The following DCX variants were observed in gnomAD, a reference collection of about 807,000 sequenced individuals.
DCX encodes neuronal migration protein doublecortin.
A neutral mutation model predicts 20.9 loss-of-function variants in DCX; 4 were observed. The ratio of observed to expected loss-of-function variants is 0.19; its 90% confidence interval spans 0.09 to 0.44. The LOEUF (loss-of-function observed/expected upper bound fraction) is 0.44. Ranked by LOEUF, DCX falls within the 20% of genes least tolerant of loss-of-function variation. DCX has a pLI of 0.99. For synonymous variants in DCX, 103 were observed against 111.4 expected, an observed-to-expected ratio of 0.92 and a Z score of 0.47; for missense variants, 133 against 296.9, an observed-to-expected ratio of 0.45 and a Z score of 4.06.
At chrX:111,314,438 T>C (rs1041896065) in intron 5 of DCX, among the ~76,000 whole-genome samples, 3 of 111,862 alleles carry the variant, frequency 2.7e-5, no homozygotes, top group Non-Finnish European at 5.6e-5. Flanking sequence ...ATCTGGGGCC[T>C]GGAAGACAAA....
intron 4 of DCX, among the ~76,000 whole-genome samples, 185 bp from the exon 5 acceptor site, chrX:111,331,226 G>C (rs1921209964): frequency 9.0e-6 from 1 of 111,714 alleles, no homozygotes; most frequent in South Asian, 3.8e-4. Flanking sequence ...ACCTTCAAAA[G>C]CCACCTGGGC....
intron 2 of DCX, among the ~76,000 whole-genome samples, chrX:111,405,015 G>A (rs1368427406): frequency 8.9e-6 from 1 of 112,211 alleles, no homozygotes; most frequent in Non-Finnish European, 1.9e-5. Flanking sequence ...GCCAAGCAGG[G>A]TGCAAATTCG....
At chrX:111,331,745 C>A (rs1921263963) in intron 4 of DCX, among the ~76,000 whole-genome samples, 1 of 112,241 alleles carries the variant, frequency 8.9e-6, no homozygotes, top group Admixed American at 9.5e-5. Context: ...CTTTGGAACA[C>A]CCTTTCTATG....
intron 3 of DCX, among the ~76,000 whole-genome samples, chrX:111,351,092 G>A (rs1028157469): frequency 8.9e-6 from 1 of 112,119 alleles, no homozygotes; most frequent in Non-Finnish European, 1.9e-5. Flanking sequence ...AATTCAAGAT[G>A]GGATTTGGGT....
At chrX:111,323,121 T>C (rs745491941) in intron 5 of DCX, among the ~76,000 whole-genome samples, 2 of 111,865 alleles carry the variant, frequency 1.8e-5, no homozygotes, top group South Asian at 7.5e-4. Context: ...GCTAGCCTGT[T>C]GTCAACGCTG....
intron 4 of DCX, among the ~76,000 whole-genome samples, chrX:111,332,829 G>A (rs1318723083): frequency 1.8e-5 from 2 of 111,506 alleles, no homozygotes; most frequent in African/African-American, 6.5e-5. Flanking sequence ...CAGATAGTGA[G>A]TTTTATTGAG....
At chrX:111,332,752 G>A (rs1054883165) in intron 4 of DCX, among the ~76,000 whole-genome samples, 2 of 111,790 alleles carry the variant, frequency 1.8e-5, no homozygotes, top group Non-Finnish European at 3.8e-5. Flanking sequence ...TCCTTCCTGT[G>A]GTCTGATTGT....
intron 3 of DCX, among the ~76,000 whole-genome samples, chrX:111,376,657 C>T (rs1256601104): frequency 9.0e-6 from 1 of 111,524 alleles, no homozygotes; most frequent in Admixed American, 9.5e-5. Context: ...AAACAGATTT[C>T]AGAGCCCAGC....
rs779564897 is a variant in DCX at position 111,296,876 on chromosome X, G to A, written c.*4811C>T. On this transcript the variant is annotated 3_prime_UTR_variant, in exon 7 of 7. Coordinates refer to ENST00000636035, the MANE Select transcript of DCX (RefSeq NM_001195553.2). Reference sequence around the variant, plus strand: ...CCTTAACAAGGAAACAAGGCAGGACGCAACACTAAGAGTCTGGGTGTATAA... The same window carrying A: ...CCTTAACAAGGAAACAAGGCAGGACACAACACTAAGAGTCTGGGTGTATAA... 3.6e-5 allele frequency: 4 copies of A among 111,242 alleles called. No homozygotes were observed. Among genetic ancestry groups the A allele is most frequent in the Non-Finnish European group, 5.7e-5 (3 of 53,050 alleles). 9.2% of individuals were successfully genotyped at this position (111,242 alleles called of 1,213,427 possible). A position where few individuals can be genotyped will look rare whatever the true frequency, so the allele number is the denominator to read the frequency against.
rs1452845174 is a variant in DCX at position 111,300,106 on chromosome X, G to A, written c.*1581C>T. 8.9e-6 allele frequency: 1 copy of A among 112,171 alleles called. No homozygotes were observed. Among genetic ancestry groups the A allele is most frequent in the African/African-American group, 3.2e-5 (1 of 30,846 alleles). The allele number at this position is 112,171 out of a possible 1,213,427, so 9.2% of individuals were successfully genotyped here. A position where few individuals can be genotyped will look rare whatever the true frequency, so the allele number is the denominator to read the frequency against. ...CAAGCCATTCAGTAGCCAAACAGCA[G>A]CTTGGCTTCGAATGCTGTGCCTTTC... On this transcript the variant is annotated 3_prime_UTR_variant, in exon 7 of 7. Coordinates refer to ENST00000636035, the MANE Select transcript of DCX (RefSeq NM_001195553.2).
chrX:111,370,646 C>T (rs1925001332), intron 3 of DCX, among the ~76,000 whole-genome samples: 1 of 111,047 alleles, frequency 9.0e-6, no homozygotes, highest in Non-Finnish European at 1.9e-5. Flanking sequence ...CAGTTCGGAA[C>T]TGGCTTTGAG....
chrX:111,314,343 G>A lies in DCX; in HGVS notation c.947-1607C>T, dbSNP rs146627452. ...AGAGAGGAGTAAGCTACTTCCTGGGGGAGGCAGGCAAGAATTCAGTGAAAT... is the reference window on the plus strand; with the variant it reads ...AGAGAGGAGTAAGCTACTTCCTGGGAGAGGCAGGCAAGAATTCAGTGAAAT... On this transcript the variant is annotated intron_variant, in intron 5 of 6. Coordinates refer to ENST00000636035, the MANE Select transcript of DCX (RefSeq NM_001195553.2). 9.7e-4 allele frequency among the ~76,000 whole-genome samples: 108 copies of A among 111,859 alleles called. 2 individuals carry two copies. In the East Asian group the frequency reaches 0.023, roughly 24 times the overall value.
chrX:111,312,796 T>A, intron 5 of DCX, 60 bp from the exon 6 acceptor site: 1 of 1,073,088 alleles, frequency 9.3e-7, no homozygotes, highest in Non-Finnish European at 1.3e-6. Flanking sequence ...AGGAGCAAGT[T>A]ATCCTTCCCC....
intron 3 of DCX, among the ~76,000 whole-genome samples, chrX:111,371,840 T>A (rs773945909): frequency 1.8e-5 from 2 of 111,083 alleles, no homozygotes; most frequent in Non-Finnish European, 3.8e-5. Context: ...TCCTTTTGTA[T>A]GCATTACACA....
At chrX:111,346,084 G>GT (rs368469208) in intron 3 of DCX, among the ~76,000 whole-genome samples, 89 of 103,453 alleles carry the variant, frequency 8.6e-4, no homozygotes, top group South Asian at 4.3e-3. Context: ...TTTTTCATGG[G>GT]TTTTTTTTTT....
At chrX:111,388,025 T>C in intron 3 of DCX, among the ~76,000 whole-genome samples, 1 of 111,604 alleles carries the variant, frequency 9.0e-6, no homozygotes, top group East Asian at 2.9e-4. Flanking sequence ...GTGTGGTGAG[T>C]GGAAGGAGTG....
intron 4 of DCX, among the ~76,000 whole-genome samples, chrX:111,331,788 T>C (rs1921269322): frequency 8.9e-6 from 1 of 112,460 alleles, no homozygotes; most frequent in South Asian, 3.7e-4. Flanking sequence ...TATGGTCATT[T>C]TGGGCACTAA....
At chrX:111,320,773 CTT>C (rs1307479596) in intron 5 of DCX, among the ~76,000 whole-genome samples, 1 of 109,833 alleles carries the variant, frequency 9.1e-6, no homozygotes, top group East Asian at 2.9e-4. Context: ...AAAAATTACT[CTT>C]TATTGAGTGT....
chrX:111,367,034 T>C (rs1450327562), intron 3 of DCX, among the ~76,000 whole-genome samples: 4 of 111,676 alleles, frequency 3.6e-5, no homozygotes, highest in Non-Finnish European at 7.5e-5. Context: ...GAGGGCAGTA[T>C]CAGATTTCAT....
Sources: allele counts gnomAD v4.1 joint callset (sites outside exome capture counted in the v4.1 genomes callset), GRCh38; gene constraint gnomAD v4.1.1; transcripts MANE v1.5; gene names NCBI Gene and HGNC (gene_info 2026-07-23, HGNC 2026-07-21).